PMM2: variants seen among roughly 807,000 people sequenced by gnomAD.
The protein encoded by PMM2 is phosphomannomutase 2, also known as mannose-6-phosphate isomerase.
A neutral mutation model predicts 33.2 loss-of-function variants in PMM2; 35 were observed. That is an observed-to-expected ratio of 1.06 (90% CI 0.81 to 1.40). The LOEUF is 1.40. Ranked by LOEUF, PMM2 falls within the 40% of genes most tolerant of loss-of-function variation. The probability of loss-of-function intolerance (pLI) is 0.00; values close to 1 mark genes in which losing one functional copy is unlikely to be tolerated. For missense variants in PMM2, 386 were observed against 306.0 expected (o/e 1.26, Z -1.95); for synonymous variants, 153 against 114.7 (o/e 1.33, Z -2.13).
At chr16:8,835,560 G>T (rs2060840286) in intron 7 of PMM2, among the ~76,000 whole-genome samples, 1 of 152,038 alleles carries the variant, frequency 6.6e-6, no homozygotes, top group African/African-American at 2.4e-5. Flanking sequence ...TTGAGGACAG[G>T]AGAGTATATG....
chr16:8,847,654 C>G (rs997453915), intron 7 of PMM2, 70 bp from the exon 8 acceptor site: 2 of 1,167,056 alleles, frequency 1.7e-6, no homozygotes, highest in Non-Finnish European at 2.6e-6. Context: ...CTTTTGGACT[C>G]CAGGGTCACA....
intron 7 of PMM2, among the ~76,000 whole-genome samples, chr16:8,842,822 T>G (rs898417854): frequency 1.3e-5 from 2 of 152,168 alleles, no homozygotes; most frequent in African/African-American, 4.8e-5. Flanking sequence ...TAAAGCGTGC[T>G]GTGGGATGGG....
intron 7 of PMM2, chr16:8,842,387 G>C (rs1206260382): frequency 6.6e-6 from 1 of 152,208 alleles, no homozygotes; most frequent in Non-Finnish European, 1.5e-5. Context: ...AAGGTGAGAA[G>C]CGGAGGGGTG....
intron 7 of PMM2, among the ~76,000 whole-genome samples, chr16:8,814,463 C>T (rs1350835346): frequency 6.6e-6 from 1 of 152,170 alleles, no homozygotes; most frequent in Non-Finnish European, 1.5e-5. Context: ...ATCTCTGGTC[C>T]ACTCCAAAAT....
rs188143221 is a variant in PMM2, at chr16:8,836,844, C to T, written c.640-10880C>T. On this transcript the variant is annotated intron_variant, in intron 7 of 7. Transcript: ENST00000268261. ...TATATTTGATGAAAAAGAACCTAAACGCTATCTGATTTGGGATAAAGAAAA... is the reference window on the plus strand; with the variant it reads ...TATATTTGATGAAAAAGAACCTAAATGCTATCTGATTTGGGATAAAGAAAA... 1.4e-3 allele frequency among the ~76,000 whole-genome samples: 209 copies of T among 152,112 alleles called. 1 individual carries two copies. Among genetic ancestry groups the T allele is most frequent in the Non-Finnish European group, 2.3e-3 (158 of 68,002 alleles).
intron 7 of PMM2, among the ~76,000 whole-genome samples, chr16:8,814,748 A>G (rs2060696949): frequency 6.6e-6 from 1 of 152,242 alleles, no homozygotes. Context: ...GTACATATTT[A>G]ACGCTCACAG....
chr16:8,832,981 A>C, intron 7 of PMM2: 1 of 488,020 alleles, frequency 2.0e-6, no homozygotes, highest in Non-Finnish European at 2.5e-6. Flanking sequence ...GGCAGCTGTG[A>C]TGTGGTTTTG....
intron 7 of PMM2, among the ~76,000 whole-genome samples, chr16:8,820,401 T>C (rs1212922698): frequency 6.7e-6 from 1 of 149,336 alleles, no homozygotes; most frequent in East Asian, 2.0e-4. Context: ...TCACCCAGAC[T>C]GGAGTGCAGT....
At position 8,830,318 on chromosome 16, in the gene PMM2, C is replaced by T. The variant is rs1314983997; in HGVS notation, c.639+17212C>T. Among the ~76,000 whole-genome samples, 3 of 152,176 alleles carry T rather than the reference C, an allele frequency of 2.0e-5. No individual in the cohort carries two copies. In the East Asian group the frequency reaches 5.8e-4, roughly 29 times the overall value. On this transcript the variant is annotated intron_variant, in intron 7 of 7. Coordinates refer to ENST00000268261, the MANE Select transcript of PMM2 (RefSeq NM_000303.3). The stretch of plus-strand genomic sequence containing the variant: ...CTCCACAGGTTCTCCTTGCCCACAG[C>T]CTAGACAGCCAATTTATCAAGACAG...
intron 1 of PMM2, among the ~76,000 whole-genome samples, 159 bp downstream of exon 1, chr16:8,798,107 G>C (rs1395747820): frequency 6.6e-6 from 1 of 152,256 alleles, no homozygotes; most frequent in African/African-American, 2.4e-5. Context: ...AGGAATGAGA[G>C]GGAGGCCCTA....
chr16:8,805,310 C>A (rs538739279), intron 3 of PMM2, among the ~76,000 whole-genome samples: 1 of 152,268 alleles, frequency 6.6e-6, no homozygotes, highest in South Asian at 2.1e-4. Context: ...TCAAGTGATC[C>A]GCCCACCTCA....
intron 7 of PMM2, among the ~76,000 whole-genome samples, chr16:8,837,427 A>G (rs1275526816): frequency 6.6e-6 from 1 of 151,908 alleles, no homozygotes; most frequent in African/African-American, 2.4e-5. Flanking sequence ...TTAAGTTCTT[A>G]AGAACACAGG....
chr16:8,811,582 CTG>C, intron 5 of PMM2, 54 bp from the exon 6 acceptor site: 2 of 1,109,804 alleles, frequency 1.8e-6, no homozygotes, highest in South Asian at 1.2e-5. Flanking sequence ...GTAGTTAAAA[CTG>C]TGCTTTCTAA....
intron 7 of PMM2, among the ~76,000 whole-genome samples, chr16:8,838,656 T>C (rs1251299936): frequency 6.6e-6 from 1 of 151,906 alleles, no homozygotes; most frequent in African/African-American, 2.4e-5. Flanking sequence ...TGGATACAGT[T>C]TTGGATGAAT....
chr16:8,828,976 T>G (rs1317943634), intron 7 of PMM2, among the ~76,000 whole-genome samples: 2 of 152,098 alleles, frequency 1.3e-5, no homozygotes, highest in Non-Finnish European at 2.9e-5. Flanking sequence ...GCCTTTGTCT[T>G]TGTTTTTCTT....
chr16:8,798,771 C>T (rs1374336984), intron 1 of PMM2, among the ~76,000 whole-genome samples: 1 of 152,144 alleles, frequency 6.6e-6, no homozygotes, highest in Non-Finnish European at 1.5e-5. Context: ...GGCCACTGAA[C>T]ACTGGCCATT....
chr16:8,805,897 G>C lies in PMM2; in HGVS notation c.256-419G>C, dbSNP rs2060645302. Among the ~76,000 whole-genome samples, 3 of 152,134 alleles carry C rather than the reference G, an allele frequency of 2.0e-5. No individual in the cohort carries two copies. In the South Asian group the frequency reaches 6.2e-4, roughly 31 times the overall value. On this transcript the variant is annotated intron_variant, in intron 3 of 7. Coordinates refer to ENST00000268261, the MANE Select transcript of PMM2 (RefSeq NM_000303.3). ...GAGCTGCCACGCCTGGGCACTATAAGCATTTTTAAGAGGTACTGTGTAGCT... is the reference window on the plus strand; with the variant it reads ...GAGCTGCCACGCCTGGGCACTATAACCATTTTTAAGAGGTACTGTGTAGCT...
chr16:8,811,155 A>G lies in PMM2; in HGVS notation c.424A>G (p.Ile142Val), dbSNP rs1256479593. Residue 142 changes from isoleucine (I) to valine (V), a missense_variant, in exon 5 of 8, where the codon ATT becomes GTT. Coordinates refer to ENST00000268261, the MANE Select transcript of PMM2 (RefSeq NM_000303.3). ...AAGAAGCTGCAGCCAAGAAGAACGC[A>G]TTGAGTTCTACGAACTCGATAAAGT... ...IGRSCSQEER[I>V]EFYELDKKEN... The G allele has an allele frequency of 6.4e-7, 1 of 1,571,532 alleles. No individual in the cohort carries two copies. The highest frequency in any genetic ancestry group is 1.8e-5 in the Admixed American group (1 of 55,990).
intron 2 of PMM2, among the ~76,000 whole-genome samples, chr16:8,802,994 C>G (rs1399330474): frequency 6.6e-6 from 1 of 152,178 alleles, no homozygotes; most frequent in Non-Finnish European, 1.5e-5. Context: ...ATTATGAAGG[C>G]TGTCCTGTGC....
Sources: allele counts gnomAD v4.1 joint callset (sites outside exome capture counted in the v4.1 genomes callset), GRCh38; gene constraint gnomAD v4.1.1; transcripts MANE v1.5; gene names NCBI Gene and HGNC (gene_info 2026-07-23, HGNC 2026-07-21).